Variants in CHMP4C observed in about 807,000 individuals in gnomAD.
The protein encoded by CHMP4C is charged multivesicular body protein 4C.
In CHMP4C, 28 loss-of-function variants were observed where a neutral mutation model predicts 29.0. The observed-to-expected ratio is 0.97, with a 90% CI of 0.72 to 1.32. The LOEUF is 1.32. Among genes scored for constraint, CHMP4C ranks in the 40% most tolerant of loss-of-function variants. The pLI, the probability that CHMP4C is intolerant of heterozygous loss-of-function variation, is 0.00. For synonymous variants in CHMP4C, 106 were observed against 102.4 expected, an observed-to-expected ratio of 1.04 and a Z score of -0.21; for missense variants, 291 against 281.0, an observed-to-expected ratio of 1.04 and a Z score of -0.25.
At chr8:81,734,620 G>A (rs528273686) in intron 1 of CHMP4C, among the ~76,000 whole-genome samples, 20 of 152,180 alleles carry the variant, frequency 1.3e-4, no homozygotes, top group Admixed American at 1.0e-3. Context: ...GTGAGCCACC[G>A]CACCTGGCTG....
chr8:81,741,374 G>A (rs1219924993), intron 1 of CHMP4C, among the ~76,000 whole-genome samples: 1 of 152,134 alleles, frequency 6.6e-6, no homozygotes, highest in African/African-American at 2.4e-5. Flanking sequence ...CTAACACCAT[G>A]ATTATGCCAA....
At chr8:81,755,002 G>A (rs1808952220) in intron 2 of CHMP4C, among the ~76,000 whole-genome samples, 1 of 152,146 alleles carries the variant, frequency 6.6e-6, no homozygotes, top group Non-Finnish European at 1.5e-5. Context: ...TCTAGTTACA[G>A]TGGTCCTGGT....
intron 1 of CHMP4C, among the ~76,000 whole-genome samples, chr8:81,744,684 G>A (rs1275612106): frequency 1.4e-4 from 21 of 152,202 alleles, no homozygotes; most frequent in South Asian, 2.1e-4. Context: ...ACTTACACAC[G>A]TTAGTATCCC....
In CHMP4C at chr8:81,758,161, T is replaced by C. The variant is rs763357438; in HGVS notation, c.503T>C (p.Leu168Pro). 7 of 1,613,814 alleles carry C rather than the reference T, an allele frequency of 4.3e-6. No homozygotes were observed. Among genetic ancestry groups the C allele is most frequent in the East Asian group, 2.2e-5 (1 of 44,900 alleles). ...GTTCAGGATGAGTTGATGGCAGAAC[T>C]TGAAGAATTGGAACAGGAGGAATTA... ...DFDEDELMAE[L>P]EELEQEELNK... is the part of the protein sequence containing the mutation. Residue 168 changes from leucine to proline, a missense_variant, in exon 4 of 5, where the codon CTT (leucine) becomes CCT (proline). By Grantham distance (98) the Leu-to-Pro change is moderately conservative. Transcript: ENST00000297265.
At chr8:81,743,018 T>A (rs970791087) in intron 1 of CHMP4C, among the ~76,000 whole-genome samples, 1 of 152,040 alleles carries the variant, frequency 6.6e-6, no homozygotes, top group Non-Finnish European at 1.5e-5. Flanking sequence ...ACAGTTAACT[T>A]GAGGAGCTAT....
chr8:81,742,505 T>C (rs567168103), intron 1 of CHMP4C, among the ~76,000 whole-genome samples: 1 of 152,338 alleles, frequency 6.6e-6, no homozygotes, highest in Non-Finnish European at 1.5e-5. Flanking sequence ...ATTATGCAAC[T>C]AAACATTTAA....
Position 81,758,569 on chromosome 8 carries a change from A to T in CHMP4C, c.*25A>T. ...AACTAAAACACATTTTTGATACCTA[A>T]ATTAATGAGCTATAGATAAAATATA... is the stretch of plus-strand genomic sequence containing the variant. On this transcript the variant is annotated 3_prime_UTR_variant, in exon 5 of 5. Coordinates refer to ENST00000297265, the MANE Select transcript of CHMP4C (RefSeq NM_152284.4). 3 of 1,441,732 alleles carry T rather than the reference A, an allele frequency of 2.1e-6. No homozygotes were observed. In the South Asian group the frequency reaches 3.4e-5, roughly 17 times the overall value. The allele number at this position is 1,441,732 out of a possible 1,614,324, so 89.3% of individuals were successfully genotyped here.
chr8:81,735,611 G>T (rs928312958), intron 1 of CHMP4C, among the ~76,000 whole-genome samples: 8 of 152,130 alleles, frequency 5.3e-5, no homozygotes, highest in Non-Finnish European at 1.0e-4. Context: ...ATTAGAGATG[G>T]TTGGTCAGCT....
chr8:81,745,980 T>C (rs1233563014), intron 1 of CHMP4C, among the ~76,000 whole-genome samples: 1 of 152,204 alleles, frequency 6.6e-6, no homozygotes, highest in African/African-American at 2.4e-5. Context: ...TGCATGCCTT[T>C]GAAAAAATAC....
intron 1 of CHMP4C, among the ~76,000 whole-genome samples, chr8:81,742,708 A>G (rs932253591): frequency 6.6e-6 from 1 of 152,154 alleles, no homozygotes; most frequent in Admixed American, 6.6e-5. Flanking sequence ...TATATTTAAT[A>G]TATATAAAGT....
intron 3 of CHMP4C, among the ~76,000 whole-genome samples, chr8:81,756,551 G>A (rs1808975797): frequency 6.6e-6 from 1 of 152,034 alleles, no homozygotes; most frequent in Admixed American, 6.6e-5. Context: ...CTGACTGTTA[G>A]TTTTCTTATC....
chr8:81,753,071 A>G lies in CHMP4C; in HGVS notation c.198A>G (p.Leu66=), dbSNP rs1297613985. ...GGCTTCTCTCTTATTTAGCTGCATT[A>G]CAGGCACTAAAGAGAAAGAAGAGGT... ...KHGTQNKRAA[L]QALKRKKRFE... Residue 66 remains leucine, a synonymous_variant, in exon 2 of 5, where the codon TTA becomes TTG. Transcript: ENST00000297265. The G allele has an allele frequency of 6.2e-7, 1 of 1,606,714 alleles. No individual in the cohort carries two copies. The highest frequency in any genetic ancestry group is 1.7e-5 in the Admixed American group (1 of 58,718).
chr8:81,750,514 G>A (rs1017649043), intron 1 of CHMP4C, among the ~76,000 whole-genome samples: 1 of 152,006 alleles, frequency 6.6e-6, no homozygotes, highest in Non-Finnish European at 1.5e-5. Context: ...GCTAAGGCAG[G>A]AGGATTGCTT....
At chr8:81,741,357 G>A (rs928461833) in intron 1 of CHMP4C, among the ~76,000 whole-genome samples, 6 of 152,040 alleles carry the variant, frequency 3.9e-5, no homozygotes, top group Non-Finnish European at 5.9e-5. Flanking sequence ...AGTTAGAAAA[G>A]GTATTACTAA....
chr8:81,753,631 C>T (rs962735453), intron 2 of CHMP4C, among the ~76,000 whole-genome samples: 2 of 151,950 alleles, frequency 1.3e-5, no homozygotes, highest in African/African-American at 4.8e-5. Context: ...ACACAGATGC[C>T]CAGGCTACTT....
chr8:81,751,249 A>C (rs1271786413), intron 1 of CHMP4C, among the ~76,000 whole-genome samples: 3 of 150,910 alleles, frequency 2.0e-5, no homozygotes, highest in Non-Finnish European at 3.0e-5. Context: ...AGAATACAAG[A>C]AGCAATAGTA....
chr8:81,744,207 G>C (rs560698031), intron 1 of CHMP4C, among the ~76,000 whole-genome samples: 1 of 152,244 alleles, frequency 6.6e-6, no homozygotes, highest in East Asian at 1.9e-4. Flanking sequence ...CAGCTGCTGT[G>C]GCAAGCAGGA....
chr8:81,739,422 G>GGA (rs1554592461), intron 1 of CHMP4C, among the ~76,000 whole-genome samples: 1 of 143,358 alleles, frequency 7.0e-6, no homozygotes, highest in African/African-American at 2.6e-5. Context: ...GGATTGTGGG[G>GGA]GGGGGTGGAA....
chr8:81,750,215 A>G (rs1296796115), intron 1 of CHMP4C, among the ~76,000 whole-genome samples: 1 of 152,154 alleles, frequency 6.6e-6, no homozygotes, highest in Non-Finnish European at 1.5e-5. Flanking sequence ...TAATCTTTTA[A>G]AAAAGGGTAA....
Sources: allele counts gnomAD v4.1 joint callset (sites outside exome capture counted in the v4.1 genomes callset), GRCh38; gene constraint gnomAD v4.1.1; transcripts MANE v1.5; gene names NCBI Gene and HGNC (gene_info 2026-07-23, HGNC 2026-07-21).